The following DLGAP2 variants were observed in gnomAD, a reference collection of about 807,000 sequenced individuals.
The protein encoded by DLGAP2 is disks large-associated protein 2.
A neutral mutation model predicts 100.3 loss-of-function variants in DLGAP2; 26 were observed. The ratio of observed to expected loss-of-function variants is 0.26; its 90% CI spans 0.19 to 0.36. DLGAP2 has a LOEUF of 0.36. Among genes scored for constraint, DLGAP2 ranks in the 10% least tolerant of loss-of-function variants. The pLI is 1.00. For synonymous variants in DLGAP2, 886 were observed against 630.1 expected (o/e 1.41, Z -6.08); for missense variants, 1,858 against 1,453.2 (o/e 1.28, Z -4.53).
chr8:1,177,726 A>G (rs1167136674), intron 2 of DLGAP2, among the ~76,000 whole-genome samples: 1 of 152,148 alleles, frequency 6.6e-6, no homozygotes, highest in African/African-American at 2.4e-5. Context: ...TTGAGATGCC[A>G]GCAGGTTCGA....
At chr8:1,452,239 CGTGTTCTGTGGCCAT>C in intron 3 of DLGAP2, among the ~76,000 whole-genome samples, 2 of 150,924 alleles carry the variant, frequency 1.3e-5, no homozygotes, top group East Asian at 3.9e-4. Context: ...TCTGTGGCTG[CGTGTTCTGTGGCCAT>C]GTGTTCTGTG....
chr8:910,041 G>C (rs1266247733), intron 2 of DLGAP2, among the ~76,000 whole-genome samples: 1 of 152,176 alleles, frequency 6.6e-6, no homozygotes, highest in African/African-American at 2.4e-5. Flanking sequence ...GATTAACTTT[G>C]GAATGGGCAC....
chr8:934,523 T>C (rs1011221555), intron 2 of DLGAP2, among the ~76,000 whole-genome samples: 3 of 152,178 alleles, frequency 2.0e-5, no homozygotes, highest in African/African-American at 7.2e-5. Flanking sequence ...TGCCCATCCC[T>C]ACTTGGGGTG....
At chr8:1,004,494 G>A (rs955783239) in intron 2 of DLGAP2, among the ~76,000 whole-genome samples, 2 of 152,030 alleles carry the variant, frequency 1.3e-5, no homozygotes, top group South Asian at 2.1e-4. Flanking sequence ...AAATAGAGTC[G>A]GCCACAATCA....
chr8:1,341,714 C>T (rs1218732244), intron 3 of DLGAP2, among the ~76,000 whole-genome samples: 1 of 152,228 alleles, frequency 6.6e-6, no homozygotes, highest in Non-Finnish European at 1.5e-5. Flanking sequence ...TGTCTCCCAT[C>T]ACTGCCCGCC....
chr8:1,177,300 C>T (rs1797281433), intron 2 of DLGAP2, among the ~76,000 whole-genome samples: 1 of 152,120 alleles, frequency 6.6e-6, no homozygotes, highest in Middle Eastern at 3.4e-3. Flanking sequence ...TCCGTATGTT[C>T]TTGGAGTATT....
chr8:978,893 G>C (rs1490189136), intron 2 of DLGAP2, among the ~76,000 whole-genome samples: 1 of 152,200 alleles, frequency 6.6e-6, no homozygotes, highest in South Asian at 2.1e-4. Context: ...AGCCAAAAAT[G>C]TATGACATAT....
At chr8:1,216,876 A>G (rs900016683) in intron 2 of DLGAP2, among the ~76,000 whole-genome samples, 2 of 152,190 alleles carry the variant, frequency 1.3e-5, no homozygotes, top group Admixed American at 1.3e-4. Context: ...AAATCAAGGT[A>G]AATATGAGGT....
chr8:1,637,830 C>T (rs897026393), intron 8 of DLGAP2, among the ~76,000 whole-genome samples: 39 of 152,150 alleles, frequency 2.6e-4, no homozygotes, highest in African/African-American at 8.7e-4. Flanking sequence ...CTGCTGGGTG[C>T]TGTGAGATGT....
At chr8:968,298 G>C (rs1027152862) in intron 2 of DLGAP2, among the ~76,000 whole-genome samples, 1 of 152,144 alleles carries the variant, frequency 6.6e-6, no homozygotes, top group South Asian at 2.1e-4. Flanking sequence ...ATTCCTTTCA[G>C]CTACCGACCC....
At position 1,041,419 on chromosome 8, in the gene DLGAP2, G is replaced by A. The variant is rs571084179; in HGVS notation, c.73+133453G>A. On this transcript the variant is annotated intron_variant, in intron 2 of 14. Coordinates refer to ENST00000637795, the MANE Select transcript of DLGAP2 (RefSeq NM_001346810.2). ...CCAGAGGCACTCGGGAGGAGACAGA[G>A]CCTGTTTCAAAGCCCAGGTTTTGGG... is the stretch of plus-strand genomic sequence containing the variant. Among the ~76,000 whole-genome samples the A allele has an allele frequency of 7.2e-5, 11 of 152,336 alleles. No individual in the cohort carries two copies. The East Asian group carries it at 1.7e-3, about 24-fold the overall frequency.
chr8:856,171 A>ATCATCTTCTTCT (rs1797272130), intron 1 of DLGAP2, among the ~76,000 whole-genome samples: 1 of 126,578 alleles, frequency 7.9e-6, no homozygotes, highest in African/African-American at 2.8e-5. Context: ...TAGTGGAAAA[A>ATCATCTTCTTCT]TCTTCTTCTT....
chr8:1,297,180 A>G (rs1320256683), intron 3 of DLGAP2: 1 of 152,260 alleles, frequency 6.6e-6, no homozygotes, highest in Non-Finnish European at 1.5e-5. Flanking sequence ...ATGCAATCAC[A>G]GCGATGAGAA....
At chr8:981,976 C>T (rs926329446) in intron 2 of DLGAP2, among the ~76,000 whole-genome samples, 1 of 152,218 alleles carries the variant, frequency 6.6e-6, no homozygotes, top group Admixed American at 6.5e-5. Flanking sequence ...GATACCACAT[C>T]CCTGGCCTTG....
chr8:1,043,191 TTGG>T lies in DLGAP2; in HGVS notation c.73+135232_73+135234del, dbSNP rs376192570. 3.2e-3 allele frequency among the ~76,000 whole-genome samples: 307 copies of T among 96,600 alleles called. 1 individual carries two copies. Among genetic ancestry groups the T allele is most frequent in the East Asian group, 0.018 (52 of 2,860 alleles). 63.4% of individuals were successfully genotyped at this position (96,600 alleles called of 152,430 possible). A position where few individuals can be genotyped will look rare whatever the true frequency, so the allele number is the denominator to read the frequency against. On this transcript the variant is annotated intron_variant, in intron 2 of 14. Coordinates refer to ENST00000637795, the MANE Select transcript of DLGAP2 (RefSeq NM_001346810.2). ...GGGTGGTGGGTGTGGGTGGTGGGTG[TTGG>T]TGGTGGATGCGGGTGGTGGGTGTGG...
intron 2 of DLGAP2, among the ~76,000 whole-genome samples, chr8:1,208,300 G>A (rs2878689): frequency 6.6e-6 from 1 of 152,144 alleles, no homozygotes; most frequent in East Asian, 1.9e-4. Context: ...ATTATCCCAG[G>A]ACCATTTGTT....
chr8:908,335 GA>G (rs1798420674), intron 2 of DLGAP2, among the ~76,000 whole-genome samples: 1 of 152,166 alleles, frequency 6.6e-6, no homozygotes, highest in Non-Finnish European at 1.5e-5. Flanking sequence ...ATTGGCTAGA[GA>G]GAAATGTGTT....
intron 3 of DLGAP2, among the ~76,000 whole-genome samples, chr8:1,457,536 A>T (rs1435176306): frequency 6.6e-6 from 1 of 152,238 alleles, no homozygotes; most frequent in Non-Finnish European, 1.5e-5. Flanking sequence ...AGCTGATGGC[A>T]GCAAGTTGAA....
intron 1 of DLGAP2, among the ~76,000 whole-genome samples, chr8:848,442 G>C (rs867406551): frequency 0.017 from 849 of 50,798 alleles, 1 homozygote; most frequent in Middle Eastern, 0.042. Flanking sequence ...CGTGCGGTGC[G>C]TGTTCCAGTG....
Sources: gnomAD v4.1 joint callset for allele counts (sites outside exome capture counted in the v4.1 genomes callset) on GRCh38, gnomAD v4.1.1 for gene constraint, MANE v1.5 for transcripts, NCBI Gene and HGNC (gene_info 2026-07-23, HGNC 2026-07-21) for gene names.